ARL1: variants seen among roughly 807,000 people sequenced by gnomAD.
ARL1 encodes the protein ADP-ribosylation factor-like protein 1.
Under a neutral mutation model 30.1 loss-of-function variants are expected in ARL1, and 17 were observed. The ratio of observed to expected loss-of-function variants is 0.56; its 90% CI spans 0.39 to 0.85. The LOEUF (loss-of-function observed/expected upper bound fraction) is 0.85, where lower values mean the gene tolerates loss of function less well. Ranked by LOEUF, ARL1 falls within the 40% of genes least tolerant of loss-of-function variation. The pLI, the probability that ARL1 is intolerant of heterozygous loss-of-function variation, is 0.00. For synonymous variants in ARL1, 58 were observed against 71.7 expected (o/e 0.81, Z 0.97); for missense variants, 102 against 212.6 (o/e 0.48, Z 3.24).
At chr12:101,407,613 C>T in intron 1 of ARL1, 29 bp downstream of exon 1, 7 of 1,609,212 alleles carry the variant, frequency 4.3e-6, no homozygotes, top group Non-Finnish European at 5.1e-6. Flanking sequence ...CCCTCGAGCG[C>T]GCCCAGGTGC....
At chr12:101,401,590 G>A (rs778308893) in intron 3 of ARL1, 1 of 146,816 alleles carries the variant, frequency 6.8e-6, no homozygotes, top group Non-Finnish European at 1.5e-5. Context: ...GAGCTGAGAT[G>A]GTGCCATTGC....
At chr12:101,396,319 G>T in intron 5 of ARL1, 80 bp downstream of exon 5, 1 of 1,560,292 alleles carries the variant, frequency 6.4e-7, no homozygotes, top group Non-Finnish European at 8.8e-7. Context: ...TCCTCAACAC[G>T]GGAGAAAAAT....
At chr12:101,402,478 T>C (rs941196779) in intron 3 of ARL1, among the ~76,000 whole-genome samples, 1 of 152,200 alleles carries the variant, frequency 6.6e-6, no homozygotes, top group African/African-American at 2.4e-5. Flanking sequence ...TGAGCTACCA[T>C]GCCCGGCCAA....
rs1871057450 is a variant in ARL1, at chr12:101,393,259, G to C, written c.*2381C>G. 1 of 151,178 alleles carries C rather than the reference G, an allele frequency of 6.6e-6. No individual in the cohort carries two copies. Among genetic ancestry groups the C allele is most frequent in the African/African-American group, 2.4e-5 (1 of 41,108 alleles). The allele number at this position is 151,178 out of a possible 1,614,324, so 9.4% of individuals were successfully genotyped here. ...TGCCCTCAGAGCTTACATTTCAACA[G>C]TTTAAAGTGCATCTCAGGTATTTCA... On this transcript the variant is annotated 3_prime_UTR_variant, in exon 6 of 6. Transcript: ENST00000261636.
intron 2 of ARL1, chr12:101,403,587 A>G (rs1021490596): frequency 6.3e-6 from 1 of 159,390 alleles, no homozygotes; most frequent in Admixed American, 6.5e-5. Flanking sequence ...ACTTGTAATA[A>G]GGTCATGGCT....
At chr12:101,407,600 G>A (rs762097603) in intron 1 of ARL1, 42 bp downstream of exon 1, 5 of 1,606,908 alleles carry the variant, frequency 3.1e-6, no homozygotes, top group Non-Finnish European at 4.2e-6. Flanking sequence ...CTCGGCCGCG[G>A]CTCCCTCGAG....
intron 2 of ARL1, among the ~76,000 whole-genome samples, chr12:101,404,842 G>A (rs1157798749): frequency 1.3e-5 from 2 of 152,034 alleles, no homozygotes; most frequent in Non-Finnish European, 2.9e-5. Context: ...TTAAAATTGA[G>A]GTATTTCTTC....
At chr12:101,401,833 C>G (rs1286549936) in intron 3 of ARL1, among the ~76,000 whole-genome samples, 1 of 151,824 alleles carries the variant, frequency 6.6e-6, no homozygotes, top group African/African-American at 2.4e-5. Flanking sequence ...TAACTAGGCA[C>G]CCCTTAAGAG....
At chr12:101,399,206 A>G (rs1871233517) in intron 4 of ARL1, among the ~76,000 whole-genome samples, 1 of 152,070 alleles carries the variant, frequency 6.6e-6, no homozygotes, top group African/African-American at 2.4e-5. Context: ...CAAGAAATCA[A>G]AAGTCCTGGG....
chr12:101,401,592 TGCCATTGCACTCCA>T (rs1286344856), intron 3 of ARL1: 1 of 126,072 alleles, frequency 7.9e-6, no homozygotes, highest in African/African-American at 3.1e-5. Context: ...GCTGAGATGG[TGCCATTGCACTCCA>T]GCCTGGGCAA....
intron 2 of ARL1, chr12:101,403,314 A>C: frequency 2.5e-6 from 1 of 405,134 alleles, no homozygotes; most frequent in Non-Finnish European, 4.8e-6. Context: ...TTAAAAAAGA[A>C]ATAAAAAGGA....
rs1273719133 is a variant in ARL1, at chr12:101,394,649, A to C, written c.*991T>G. The C allele has an allele frequency of 1.3e-5, 2 of 152,136 alleles. No homozygotes were observed. The highest frequency in any genetic ancestry group is 2.9e-5 in the Non-Finnish European group (2 of 68,030). 9.4% of individuals were successfully genotyped at this position (152,136 alleles called of 1,614,324 possible). ...ATTTTTAAACCTTCCTTTAATGTGA[A>C]ATTTTCTCTTTAATGTGTTATGAAT... On this transcript the variant is annotated 3_prime_UTR_variant, in exon 6 of 6. Transcript: ENST00000261636.
chr12:101,407,446 G>A (rs1871477175), intron 1 of ARL1, 196 bp downstream of exon 1: 1 of 653,498 alleles, frequency 1.5e-6, no homozygotes, highest in African/African-American at 1.9e-5. Context: ...GGAACCGAGA[G>A]AGGACGGAGG....
chr12:101,407,595 C>CCGCGGCTCCCTCGAG, intron 1 of ARL1, 47 bp downstream of exon 1: 1 of 1,606,430 alleles, frequency 6.2e-7, no homozygotes, highest in Non-Finnish European at 8.5e-7. Flanking sequence ...CAGCCCTCGG[C>CCGCGGCTCCCTCGAG]CGCGGCTCCC....
At position 101,395,274 on chromosome 12, in the gene ARL1, A is replaced by G. The variant is rs574074211; in HGVS notation, c.*366T>C. 27 of 175,970 alleles carry G rather than the reference A, an allele frequency of 1.5e-4. No homozygotes were observed. The East Asian group carries it at 2.8e-3, about 18-fold the overall frequency. The allele number at this position is 175,970 out of a possible 1,614,324, so 10.9% of individuals were successfully genotyped here. ...TTTAAGGGGAAAAAAATCTGTTAAG[A>G]TATTTTTTAGTATTTATACAAACAA... On this transcript the variant is annotated 3_prime_UTR_variant, in exon 6 of 6. Transcript: ENST00000261636.
At chr12:101,404,612 T>C (rs1420726272) in intron 2 of ARL1, among the ~76,000 whole-genome samples, 1 of 152,178 alleles carries the variant, frequency 6.6e-6, no homozygotes, top group Non-Finnish European at 1.5e-5. Flanking sequence ...AGTCCATAAA[T>C]TTAAACAGTA....
At chr12:101,407,611 C>T in intron 1 of ARL1, 31 bp downstream of exon 1, 1 of 1,608,846 alleles carries the variant, frequency 6.2e-7, no homozygotes, top group South Asian at 1.1e-5. Context: ...CTCCCTCGAG[C>T]GCGCCCAGGT....
At position 101,396,477 on chromosome 12, in the gene ARL1, G is replaced by T; in HGVS notation, c.437C>A (p.Pro146His). 2 of 1,613,972 alleles carry T rather than the reference G, an allele frequency of 1.2e-6. No homozygotes were observed. Among genetic ancestry groups the T allele is most frequent in the Non-Finnish European group, 1.7e-6 (2 of 1,179,882 alleles). ...SSEMANSLGL[P>H]ALKDRKWQIF... ...CTGCCATTTTCGGTCCTTCAAGGCA[G>T]GTAACCCAAGTGAATTTGCCATCTC... The change falls in exon 5 of 6, where the codon CCT becomes CAT. Residue 146 changes from proline (P) to histidine (H), a missense_variant. Physicochemically the swap from Pro to His is moderately conservative, Grantham distance 77 (BLOSUM62 -2). Transcript: ENST00000261636.
At chr12:101,399,509 T>TATAA (rs1871244717) in intron 4 of ARL1, among the ~76,000 whole-genome samples, 5 of 110,558 alleles carry the variant, frequency 4.5e-5, no homozygotes, top group Admixed American at 2.7e-4. Context: ...AGACTCTGTC[T>TATAA]AAAAAAAAAA....
Sources: gnomAD v4.1 joint callset for allele counts (sites outside exome capture counted in the v4.1 genomes callset) on GRCh38, gnomAD v4.1.1 for gene constraint, MANE v1.5 for transcripts, NCBI Gene and HGNC (gene_info 2026-07-23, HGNC 2026-07-21) for gene names.